Variants in SCAPER observed in about 807,000 individuals in gnomAD.
The protein encoded by SCAPER is S phase cyclin A-associated protein in the endoplasmic reticulum.
A neutral mutation model predicts 182.2 loss-of-function variants in SCAPER; 98 were observed. The ratio of observed to expected loss-of-function variants is 0.54; its 90% CI spans 0.46 to 0.64. The LOEUF is 0.64. Ranked by LOEUF, SCAPER falls within the 30% of genes least tolerant of loss-of-function variation. The pLI, the probability that SCAPER is intolerant of heterozygous loss-of-function variation, is 0.00. For missense variants in SCAPER, 1,432 were observed against 1,690.0 expected, an observed-to-expected ratio of 0.85 and a Z score of 2.68; for synonymous variants, 605 against 564.6, an observed-to-expected ratio of 1.07 and a Z score of -1.01.
chr15:76,652,309 TACACAC>T (rs1327915758), intron 21 of SCAPER, among the ~76,000 whole-genome samples: 1 of 14,162 alleles, frequency 7.1e-5, no homozygotes, highest in Non-Finnish European at 1.1e-4. Flanking sequence ...TATATATATA[TACACAC>T]ACACACACAC....
At chr15:76,445,281 T>A (rs2047917914) in intron 25 of SCAPER, among the ~76,000 whole-genome samples, 1 of 152,252 alleles carries the variant, frequency 6.6e-6, no homozygotes, top group South Asian at 2.1e-4. Context: ...TGTAATTGCA[T>A]GTTGAAGCAT....
intron 21 of SCAPER, among the ~76,000 whole-genome samples, chr15:76,627,017 T>C (rs1356339744): frequency 6.6e-6 from 1 of 151,844 alleles, no homozygotes; most frequent in Non-Finnish European, 1.5e-5. Flanking sequence ...AAATATACTG[T>C]CACAATTATA....
chr15:76,696,287 T>G (rs536818465), intron 20 of SCAPER, among the ~76,000 whole-genome samples: 136 of 152,344 alleles, frequency 8.9e-4, no homozygotes, highest in Non-Finnish European at 1.7e-3. Context: ...TTTGCTAATT[T>G]AAAATTTCTT....
At chr15:76,656,252 C>T (rs997728965) in intron 21 of SCAPER, among the ~76,000 whole-genome samples, 14 of 151,844 alleles carry the variant, frequency 9.2e-5, no homozygotes, top group Admixed American at 1.3e-4. Context: ...GGGTTGCTAC[C>T]GTAATTCCAG....
At chr15:76,528,608 C>G (rs537577753) in intron 23 of SCAPER, among the ~76,000 whole-genome samples, 26 of 152,336 alleles carry the variant, frequency 1.7e-4, no homozygotes, top group African/African-American at 6.0e-4. Context: ...CAGGTTCAAA[C>G]AATCCCTATC....
intron 20 of SCAPER, among the ~76,000 whole-genome samples, chr15:76,693,550 T>C (rs2058492896): frequency 6.6e-6 from 1 of 152,164 alleles, no homozygotes; most frequent in Non-Finnish European, 1.5e-5. Context: ...CATAGCATCA[T>C]TATCTGCAAT....
chr15:76,613,085 T>C (rs1340147651), intron 22 of SCAPER, among the ~76,000 whole-genome samples: 1 of 152,066 alleles, frequency 6.6e-6, no homozygotes, highest in East Asian at 1.9e-4. Flanking sequence ...CATAGACCAA[T>C]GGAACAGAAT....
intron 6 of SCAPER, among the ~76,000 whole-genome samples, chr15:76,802,780 C>T (rs543959041): frequency 6.6e-6 from 1 of 152,268 alleles, no homozygotes; most frequent in East Asian, 1.9e-4. Context: ...AGCAAAGAGG[C>T]AGGATAGGCC....
chr15:76,748,358 C>T (rs1199496879), intron 15 of SCAPER, among the ~76,000 whole-genome samples: 1 of 152,030 alleles, frequency 6.6e-6, no homozygotes, highest in Non-Finnish European at 1.5e-5. Context: ...CAAAAATTAA[C>T]TCAAAATGTC....
intron 27 of SCAPER, among the ~76,000 whole-genome samples, chr15:76,384,791 T>C (rs909960944): frequency 6.6e-6 from 1 of 152,226 alleles, no homozygotes; most frequent in Non-Finnish European, 1.5e-5. Flanking sequence ...AGAGAATGTT[T>C]ACTTTTGATT....
intron 23 of SCAPER, among the ~76,000 whole-genome samples, chr15:76,570,413 C>A (rs1450590828): frequency 6.6e-6 from 1 of 152,076 alleles, no homozygotes; most frequent in African/African-American, 2.4e-5. Context: ...TACCTAGTCC[C>A]AAAATGCCAA....
At chr15:76,523,917 T>C (rs2043001290) in intron 23 of SCAPER, among the ~76,000 whole-genome samples, 1 of 152,052 alleles carries the variant, frequency 6.6e-6, no homozygotes, top group African/African-American at 2.4e-5. Context: ...CTACCTTAGT[T>C]TTTTCATACA....
chr15:76,498,000 A>AAT (rs1405148390), intron 24 of SCAPER, among the ~76,000 whole-genome samples: 37 of 109,156 alleles, frequency 3.4e-4, no homozygotes, highest in Non-Finnish European at 4.4e-4. Context: ...AAAAAAAAAA[A>AAT]AAAAAAAAAA....
At chr15:76,846,914 G>A (rs1019121250) in intron 4 of SCAPER, among the ~76,000 whole-genome samples, 5 of 152,072 alleles carry the variant, frequency 3.3e-5, no homozygotes, top group Admixed American at 3.3e-4. Flanking sequence ...CATGTTTGTT[G>A]CAGCACTGTT....
At chr15:76,375,529 G>A (rs2042497708) in intron 29 of SCAPER, among the ~76,000 whole-genome samples, 1 of 152,098 alleles carries the variant, frequency 6.6e-6, no homozygotes, top group East Asian at 1.9e-4. Context: ...AACCCTGATA[G>A]CTAGAGCAGC....
chr15:76,518,772 G>C (rs1267916939), intron 23 of SCAPER, among the ~76,000 whole-genome samples: 1 of 152,172 alleles, frequency 6.6e-6, no homozygotes, highest in Non-Finnish European at 1.5e-5. Flanking sequence ...TCTATACTTT[G>C]ATCATGGATG....
At chr15:76,716,896 AAG>A (rs775118641) in intron 17 of SCAPER, among the ~76,000 whole-genome samples, 12 of 151,872 alleles carry the variant, frequency 7.9e-5, no homozygotes, top group Non-Finnish European at 1.2e-4. Context: ...GGGACTTAGG[AAG>A]AGAGAGAGAT....
intron 21 of SCAPER, among the ~76,000 whole-genome samples, chr15:76,639,135 T>C (rs1204382956): frequency 1.3e-5 from 2 of 152,188 alleles, no homozygotes; most frequent in African/African-American, 4.8e-5. Context: ...GCTGATCACA[T>C]ACTGAAATTT....
intron 5 of SCAPER, among the ~76,000 whole-genome samples, chr15:76,838,324 CTCTTA>C (rs1163540599): frequency 6.6e-6 from 1 of 152,154 alleles, no homozygotes; most frequent in Non-Finnish European, 1.5e-5. Context: ...ACCAAGCTCT[CTCTTA>C]TAAGTGGGAG....
Sources: gnomAD v4.1 joint callset for allele counts (sites outside exome capture counted in the v4.1 genomes callset) on GRCh38, gnomAD v4.1.1 for gene constraint, MANE v1.5 for transcripts, NCBI Gene and HGNC (gene_info 2026-07-23, HGNC 2026-07-21) for gene names.